The following DCPS variants were observed in gnomAD, a reference collection of about 807,000 sequenced individuals.
DCPS encodes decapping enzyme, scavenger.
Under a neutral mutation model 34.7 loss-of-function variants are expected in DCPS, and 27 were observed. The ratio of observed to expected loss-of-function variants is 0.78; its 90% CI spans 0.57 to 1.07. The LOEUF (loss-of-function observed/expected upper bound fraction) is 1.07, where lower values mean the gene tolerates loss of function less well. Among genes scored for constraint, DCPS ranks in the 50% least tolerant of loss-of-function variants. DCPS has a pLI of 0.00. For missense variants in DCPS, 464 were observed against 436.9 expected (o/e 1.06, Z -0.55); for synonymous variants, 185 against 185.7 (o/e 1.00, Z 0.03).
intron 2 of DCPS, among the ~76,000 whole-genome samples, chr11:126,330,688 CATATATATATAT>C (rs766232318): frequency 0.011 from 340 of 31,584 alleles, 5 homozygotes; most frequent in African/African-American, 0.025. Flanking sequence ...GGCTTTAAAC[CATATATATATAT>C]ATATATATAT....
chr11:126,349,311 G>A lies in DCPS; in HGVS notation c.*3698G>A, dbSNP rs1174050631. On this transcript the variant is annotated 3_prime_UTR_variant, in exon 6 of 6. Coordinates refer to ENST00000263579, the MANE Select transcript of DCPS (RefSeq NM_014026.6). This position sits in a 1 kb window ranked among gnomAD's most constrained non-coding sequence, Gnocchi z 5.4. ...AGCATGCCATGCCCCCGCTCTGCTG[G>A]AGCAGTGGCAGATGTCACCCTTCCT... is the stretch of plus-strand genomic sequence containing the variant. 6.6e-6 allele frequency among the ~76,000 whole-genome samples: 1 copy of A among 152,226 alleles called. No homozygotes were observed. Among genetic ancestry groups the A allele is most frequent in the African/African-American group, 2.4e-5 (1 of 41,442 alleles).
At chr11:126,308,374 T>C (rs553083600) in intron 2 of DCPS, among the ~76,000 whole-genome samples, 2 of 152,228 alleles carry the variant, frequency 1.3e-5, no homozygotes, top group Non-Finnish European at 2.9e-5. Context: ...CCACAGTCTT[T>C]TGATAGATAT....
Position 126,343,408 on chromosome 11 carries a change from C to T in DCPS, c.738C>T (p.His246=). 1.2e-6 allele frequency: 2 copies of T among 1,613,098 alleles called. No individual in the cohort carries two copies. Among genetic ancestry groups the T allele is most frequent in the Non-Finnish European group, 1.7e-6 (2 of 1,179,522 alleles). The change falls in exon 5 of 6, where the codon CAC becomes CAT. Residue 246 remains histidine, a synonymous_variant. Transcript: ENST00000263579. The stretch of plus-strand genomic sequence containing the variant: ...TGCCGCTGCTCAGGAACATCCTCCA[C>T]CAGGGGCAGGTGAGTGGCTTCACCA... ...EHLPLLRNIL[H]QGQEAILQRY... is the part of the protein sequence containing the mutation.
At chr11:126,343,538 G>C in intron 5 of DCPS, 121 bp downstream of exon 5, 2 of 859,020 alleles carry the variant, frequency 2.3e-6, no homozygotes, top group Non-Finnish European at 1.9e-6. Flanking sequence ...CTCTCTGGAT[G>C]CCAGTCTTGG....
rs570989581 is a variant in DCPS, at chr11:126,349,944, T to C, written c.*4331T>C. Among the ~76,000 whole-genome samples, 1 of 152,338 alleles carries C rather than the reference T, an allele frequency of 6.6e-6. No individual in the cohort carries two copies. Among genetic ancestry groups the C allele is most frequent in the East Asian group, 1.9e-4 (1 of 5,188 alleles). On this transcript the variant is annotated 3_prime_UTR_variant, in exon 6 of 6. Coordinates refer to ENST00000263579, the MANE Select transcript of DCPS (RefSeq NM_014026.6). This position sits in a 1 kb window ranked among gnomAD's most constrained non-coding sequence, Gnocchi z 5.4. ...TGTTAGAAAATAAGCAGGAATGAAA[T>C]CTGTTTCAAGCGTTTCAATTTCAAT...
At chr11:126,340,003 G>C (rs1411685013) in intron 4 of DCPS, among the ~76,000 whole-genome samples, 1 of 152,182 alleles carries the variant, frequency 6.6e-6, no homozygotes, top group Non-Finnish European at 1.5e-5. Context: ...CTTGCCAGGG[G>C]ATCGCAGTCT....
rs1360290343 is a variant in DCPS, at chr11:126,320,014, T to TG, written c.377-11391_377-11390insG. On this transcript the variant is annotated intron_variant, in intron 2 of 5. Transcript: ENST00000263579. This position sits in a 1 kb window ranked among gnomAD's most constrained non-coding sequence, Gnocchi z 4.7. Reference sequence around the variant, plus strand: ...AGTATGTCCTTTCAGATTTTTTTTTTTTTTGAGATGGAATCTTGCTCTGTC... The same window carrying TG: ...AGTATGTCCTTTCAGATTTTTTTTTTGTTTTGAGATGGAATCTTGCTCTGTC... Among the ~76,000 whole-genome samples, 1 of 151,494 alleles carries TG rather than the reference T, an allele frequency of 6.6e-6. No individual in the cohort carries two copies. The highest frequency in any genetic ancestry group is 1.5e-5 in the Non-Finnish European group (1 of 67,868).
rs1951943088 is a variant in DCPS, at chr11:126,347,365, AGG to A, written c.*1755_*1756del. On this transcript the variant is annotated 3_prime_UTR_variant, in exon 6 of 6. Coordinates refer to ENST00000263579, the MANE Select transcript of DCPS (RefSeq NM_014026.6). This position sits in a 1 kb window ranked among gnomAD's most constrained non-coding sequence, Gnocchi z 4.2. ...CAGCCTCCTGAGTAGCTGGGACTAC[AGG>A]GGTGCGCCCCCATGCCCAGCTAATT... Among the ~76,000 whole-genome samples, 1 of 152,030 alleles carries A rather than the reference AGG, an allele frequency of 6.6e-6. No homozygotes were observed. Among genetic ancestry groups the A allele is most frequent in the Admixed American group, 6.5e-5 (1 of 15,286 alleles).
At chr11:126,314,289 T>G (rs1479976361) in intron 2 of DCPS, among the ~76,000 whole-genome samples, 1 of 152,262 alleles carries the variant, frequency 6.6e-6, no homozygotes, top group Non-Finnish European at 1.5e-5. Flanking sequence ...CTCTTTCTTA[T>G]GGCTGTATAG....
At position 126,347,443 on chromosome 11, in the gene DCPS, C is replaced by T. The variant is rs980008609; in HGVS notation, c.*1830C>T. Among the ~76,000 whole-genome samples, 2 of 151,992 alleles carry T rather than the reference C, an allele frequency of 1.3e-5. No homozygotes were observed. On this transcript the variant is annotated 3_prime_UTR_variant, in exon 6 of 6. Coordinates refer to ENST00000263579, the MANE Select transcript of DCPS (RefSeq NM_014026.6). The surrounding 1 kb of genome is among the most constrained non-coding windows in gnomAD (Gnocchi z 4.2). The stretch of plus-strand genomic sequence containing the variant: ...TTCACCATGTTGGCCAGGCTGGTCT[C>T]CAACTCCTGGCCTCAGGTGATCCAC...
chr11:126,305,065 A>G (rs915445442), intron 1 of DCPS, among the ~76,000 whole-genome samples: 2 of 152,238 alleles, frequency 1.3e-5, no homozygotes, highest in African/African-American at 2.4e-5. Context: ...ACCTTGGCCT[A>G]GGCTTCCATG....
At chr11:126,340,221 A>T (rs1260650565) in intron 4 of DCPS, among the ~76,000 whole-genome samples, 1 of 152,230 alleles carries the variant, frequency 6.6e-6, no homozygotes, top group Non-Finnish European at 1.5e-5. Context: ...TGCCAGCCAC[A>T]GGGCTGGAAT....
intron 2 of DCPS, among the ~76,000 whole-genome samples, chr11:126,309,931 T>C (rs1339574633): frequency 2.0e-5 from 3 of 152,216 alleles, no homozygotes; most frequent in Non-Finnish European, 4.4e-5. Flanking sequence ...TTCTTCTTTT[T>C]CTCAACCCCT....
Position 126,348,927 on chromosome 11 carries a change from G to A in DCPS, c.*3314G>A, listed in dbSNP as rs1324245612. 2.0e-5 allele frequency among the ~76,000 whole-genome samples: 3 copies of A among 152,122 alleles called. No individual in the cohort carries two copies. Among genetic ancestry groups the A allele is most frequent in the African/African-American group, 7.2e-5 (3 of 41,410 alleles). ...TCAGGATGTCTTGTCCAGCATTATGGAGTGAACGTCAGCTCCAGGAAGCAG... is the reference window on the plus strand; with the variant it reads ...TCAGGATGTCTTGTCCAGCATTATGAAGTGAACGTCAGCTCCAGGAAGCAG... On this transcript the variant is annotated 3_prime_UTR_variant, in exon 6 of 6. Coordinates refer to ENST00000263579, the MANE Select transcript of DCPS (RefSeq NM_014026.6). This position sits in a 1 kb window ranked among gnomAD's most constrained non-coding sequence, Gnocchi z 5.3.
In DCPS at chr11:126,306,654, C is replaced by G; in HGVS notation, c.286C>G (p.Gln96Glu). ...GCCATTTCAGGTGGAACAGGTGGCT[C>G]AGCTCCTGACGGGCAGCCCTGAGCT... ...KTPFQVEQVA[Q>E]LLTGSPELQL... The change falls in exon 2 of 6, where the codon CAG (glutamine) becomes GAG (glutamate). Residue 96 changes from glutamine to glutamate, a missense_variant. By Grantham distance (29) the Gln-to-Glu change is conservative (BLOSUM62 2). Transcript: ENST00000263579. 2.3e-5 allele frequency: 37 copies of G among 1,613,942 alleles called. No individual in the cohort carries two copies. Among genetic ancestry groups the G allele is most frequent in the Non-Finnish European group, 3.1e-5 (37 of 1,179,908 alleles).
intron 2 of DCPS, among the ~76,000 whole-genome samples, chr11:126,318,209 T>C (rs1951678055): frequency 6.6e-6 from 1 of 152,162 alleles, no homozygotes. Context: ...GACAGGTAAT[T>C]AGTGGTTAGA....
chr11:126,345,272 G>A lies in DCPS; in HGVS notation c.748-75G>A. The A allele has an allele frequency of 4.4e-6, 7 of 1,576,838 alleles. No homozygotes were observed. Among genetic ancestry groups the A allele is most frequent in the South Asian group, 1.2e-5 (1 of 85,842 alleles). On this transcript the variant is annotated intron_variant, in intron 5 of 5. Transcript: ENST00000263579. The surrounding 1 kb of genome is among the most constrained non-coding windows in gnomAD (Gnocchi z 7.4). ...CCAATCCAGGATTCAGATGGGAGGA[G>A]GGTCTAGGTGGGGACATGGCGCCGG...
rs1321985820 is a variant in DCPS at position 126,310,421 on chromosome 11, G to A, written c.376+3677G>A. Among the ~76,000 whole-genome samples, 9 of 152,170 alleles carry A rather than the reference G, an allele frequency of 5.9e-5. No individual in the cohort carries two copies. The East Asian group carries it at 9.6e-4, about 16-fold the overall frequency. ...AGTCTCATGTGCCAGGCCCTATGCC[G>A]CGTACCGTAGCTTCAGAGATGAGTA... On this transcript the variant is annotated intron_variant, in intron 2 of 5. Transcript: ENST00000263579.
At position 126,320,893 on chromosome 11, in the gene DCPS, C is replaced by T. The variant is rs1160977728; in HGVS notation, c.377-10512C>T. The stretch of plus-strand genomic sequence containing the variant: ...CCAGCAGTCCCTCAAGTCTGCTTTC[C>T]CATTTCATATGGAACTTGCTCCTTC... On this transcript the variant is annotated intron_variant, in intron 2 of 5. Transcript: ENST00000263579. This position sits in a 1 kb window ranked among gnomAD's most constrained non-coding sequence, Gnocchi z 4.7. 6.6e-6 allele frequency among the ~76,000 whole-genome samples: 1 copy of T among 152,138 alleles called. No individual in the cohort carries two copies. Among genetic ancestry groups the T allele is most frequent in the Non-Finnish European group, 1.5e-5 (1 of 68,024 alleles).
Sources: gnomAD v4.1 joint callset for allele counts (sites outside exome capture counted in the v4.1 genomes callset) on GRCh38, gnomAD v4.1.1 for gene constraint, Gnocchi (gnomAD v3.1) non-coding constraint, MANE v1.5 for transcripts, NCBI Gene and HGNC (gene_info 2026-07-23, HGNC 2026-07-21) for gene names.